PIK3CG: variants seen among roughly 807,000 people sequenced by gnomAD.
The protein encoded by PIK3CG is phosphatidylinositol 4,5-bisphosphate 3-kinase catalytic subunit gamma isoform.
PIK3CG carries 55 observed loss-of-function variants against 102.3 expected under a neutral mutation model. The observed-to-expected ratio is 0.54, with a 90% confidence interval of 0.43 to 0.67. The LOEUF (loss-of-function observed/expected upper bound fraction) is 0.67. PIK3CG is among the 30% of genes least tolerant of loss of function. The probability of loss-of-function intolerance (pLI) is 0.00; values close to 1 mark genes in which losing one functional copy is unlikely to be tolerated. For synonymous variants in PIK3CG, 552 were observed against 540.0 expected, an observed-to-expected ratio of 1.02 and a Z score of -0.31; for missense variants, 1,258 against 1,391.8, an observed-to-expected ratio of 0.90 and a Z score of 1.53.
Position 106,906,886 on chromosome 7 carries a change from G to A in PIK3CG, c.*1499G>A, listed in dbSNP as rs1231348521. The A allele has an allele frequency of 2.3e-5, 5 of 221,926 alleles. No homozygotes were observed. The highest frequency in any genetic ancestry group is 3.5e-5 in the Non-Finnish European group (4 of 113,996). 13.7% of individuals were successfully genotyped at this position (221,926 alleles called of 1,614,324 possible). A position where few individuals can be genotyped will look rare whatever the true frequency, so the allele number is the denominator to read the frequency against. ...AGCCCAAAGGTTCCTAAGCCTGGCTGCAAAGAAGAATCAACAGGGACACTT... is the reference window on the plus strand; with the variant it reads ...AGCCCAAAGGTTCCTAAGCCTGGCTACAAAGAAGAATCAACAGGGACACTT... On this transcript the variant is annotated 3_prime_UTR_variant, in exon 11 of 11. Transcript: ENST00000496166.
Position 106,880,425 on chromosome 7 carries a change from G to A in PIK3CG, c.2538+760G>A, listed in dbSNP as rs1489971454. Among the ~76,000 whole-genome samples, 1 of 151,598 alleles carries A rather than the reference G, an allele frequency of 6.6e-6. No individual in the cohort carries two copies. On this transcript the variant is annotated intron_variant, in intron 6 of 10. Coordinates refer to ENST00000496166, the MANE Select transcript of PIK3CG (RefSeq NM_001282426.2). The surrounding 1 kb of genome is among the most constrained non-coding windows in gnomAD (Gnocchi z 4.2). ...TTACTTATTTCTAATATAGAAACAG[G>A]AATACCTTTGCTTTGCCTTTGCTTT...
Position 106,877,082 on chromosome 7 carries a change from C to G in PIK3CG, c.2391+2279C>G, listed in dbSNP as rs1056860421. ...GGCATGGTGGCACGTGCCATAGTCC[C>G]CACTACTTGGAAGGCTGTGGTGGGA... On this transcript the variant is annotated intron_variant, in intron 5 of 10. Coordinates refer to ENST00000496166, the MANE Select transcript of PIK3CG (RefSeq NM_001282426.2). The surrounding 1 kb of genome is among the most constrained non-coding windows in gnomAD (Gnocchi z 4.5). Among the ~76,000 whole-genome samples, 1 of 152,154 alleles carries G rather than the reference C, an allele frequency of 6.6e-6. No individual in the cohort carries two copies. The highest frequency in any genetic ancestry group is 1.5e-5 in the Non-Finnish European group (1 of 68,028).
intron 2 of PIK3CG, among the ~76,000 whole-genome samples, chr7:106,870,892 GA>G (rs1204939367): frequency 1.3e-5 from 2 of 152,088 alleles, no homozygotes; most frequent in African/African-American, 2.4e-5. Context: ...TAACACTAAA[GA>G]ATTTTAGAAT....
rs1291178892 is a variant in PIK3CG at position 106,890,576 on chromosome 7, A to C, written c.3030+4284A>C. Reference sequence around the variant, plus strand: ...ATTGAAAATACCAAAAGACATAAAAATTCATTATCCTGCTTTCCAAAGATA... The same window carrying C: ...ATTGAAAATACCAAAAGACATAAAACTTCATTATCCTGCTTTCCAAAGATA... On this transcript the variant is annotated intron_variant, in intron 10 of 10. Transcript: ENST00000496166. This position sits in a 1 kb window ranked among gnomAD's most constrained non-coding sequence, Gnocchi z 4.2. Among the ~76,000 whole-genome samples, 5 of 152,260 alleles carry C rather than the reference A, an allele frequency of 3.3e-5. No individual in the cohort carries two copies. The highest frequency in any genetic ancestry group is 2.6e-4 in the Admixed American group (4 of 15,288).
Position 106,886,236 on chromosome 7 carries a change from C to A in PIK3CG, c.2974C>A (p.Leu992Ile), listed in dbSNP as rs1047971651. 3 of 1,614,026 alleles carry A rather than the reference C, an allele frequency of 1.9e-6. No individual in the cohort carries two copies. The highest frequency in any genetic ancestry group is 2.5e-6 in the Non-Finnish European group (3 of 1,180,020). ...GCCATTTGTGCTAACCCCTGACTTCCTCTTTGTGATGGGAACTTCTGGAAA... is the reference window on the plus strand; with the variant it reads ...GCCATTTGTGCTAACCCCTGACTTCATCTTTGTGATGGGAACTTCTGGAAA... ...RVPFVLTPDF[L>I]FVMGTSGKKT... Residue 992 changes from leucine (L) to isoleucine (I), a missense_variant, in exon 10 of 11, where the codon CTC (leucine) becomes ATC (isoleucine). Physicochemically the swap from Leu to Ile is conservative, Grantham distance 5. Coordinates refer to ENST00000496166, the MANE Select transcript of PIK3CG (RefSeq NM_001282426.2).
Position 106,895,057 on chromosome 7 carries a change from T to G in PIK3CG, c.3030+8765T>G, listed in dbSNP as rs1791369299. On this transcript the variant is annotated intron_variant, in intron 10 of 10. Coordinates refer to ENST00000496166, the MANE Select transcript of PIK3CG (RefSeq NM_001282426.2). This position sits in a 1 kb window ranked among gnomAD's most constrained non-coding sequence, Gnocchi z 5.4. ...TTGAGAGCAGATGTACTACGTAGGCTCAATCTATTTATTAGCTACTAATGG... is the reference window on the plus strand; with the variant it reads ...TTGAGAGCAGATGTACTACGTAGGCGCAATCTATTTATTAGCTACTAATGG... Among the ~76,000 whole-genome samples, 1 of 152,208 alleles carries G rather than the reference T, an allele frequency of 6.6e-6. No homozygotes were observed. The highest frequency in any genetic ancestry group is 1.9e-4 in the East Asian group (1 of 5,194).
chr7:106,905,260 A>G lies in PIK3CG; in HGVS notation c.3182A>G (p.Glu1061Gly). The G allele has an allele frequency of 3.7e-6, 6 of 1,614,142 alleles. No homozygotes were observed. The highest frequency in any genetic ancestry group is 4.2e-6 in the Non-Finnish European group (5 of 1,180,006). ...GATGCCCTCACAGTGGGGAAAAATG[A>G]GGAGGATGCTAAAAAGTATTTTCTT... The part of the protein sequence containing the change: ...IRDALTVGKN[E>G]EDAKKYFLDQ... The change falls in exon 11 of 11, where the codon GAG becomes GGG. Residue 1061 changes from glutamate (E) to glycine (G), a missense_variant. By Grantham distance (98) the Glu-to-Gly change is moderately conservative (BLOSUM62 -2). Coordinates refer to ENST00000496166, the MANE Select transcript of PIK3CG (RefSeq NM_001282426.2). The surrounding 1 kb of genome is among the most constrained non-coding windows in gnomAD (Gnocchi z 5.6).
Position 106,867,266 on chromosome 7 carries a change from C to G in PIK3CG, c.-12-284C>G, listed in dbSNP as rs1790317150. Among the ~76,000 whole-genome samples the G allele has an allele frequency of 1.3e-5, 2 of 152,150 alleles. No homozygotes were observed. The highest frequency in any genetic ancestry group is 1.3e-4 in the Admixed American group (2 of 15,264). Reference sequence around the variant, plus strand: ...AACAAGTATTACTTTATTTAACTCTCCCTCTGGGGCATTCATTACTAACCA... The same window carrying G: ...AACAAGTATTACTTTATTTAACTCTGCCTCTGGGGCATTCATTACTAACCA... On this transcript the variant is annotated intron_variant, in intron 1 of 10. Transcript: ENST00000496166. This position sits in a 1 kb window ranked among gnomAD's most constrained non-coding sequence, Gnocchi z 5.1.
At chr7:106,901,679 C>A (rs527428354) in intron 10 of PIK3CG, among the ~76,000 whole-genome samples, 10 of 152,320 alleles carry the variant, frequency 6.6e-5, no homozygotes, top group African/African-American at 2.4e-4. Flanking sequence ...CCTTTCTCAT[C>A]TCTGCATGTG....
In PIK3CG at chr7:106,869,520, C is replaced by T. The variant is rs1003001250; in HGVS notation, c.1959C>T (p.Asp653=). The T allele has an allele frequency of 2.5e-6, 4 of 1,613,256 alleles. No individual in the cohort carries two copies. Among genetic ancestry groups the T allele is most frequent in the African/African-American group, 1.3e-5 (1 of 75,020 alleles). Residue 653 remains aspartate, a synonymous_variant, in exon 2 of 11, where the codon GAC becomes GAT. Coordinates refer to ENST00000496166, the MANE Select transcript of PIK3CG (RefSeq NM_001282426.2). The surrounding 1 kb of genome is among the most constrained non-coding windows in gnomAD (Gnocchi z 5.3). ...TTCAGAAACTGGAGAGCTTGGAGGA[C>T]GATGATGTTCTGCATTACCTTCTAC... The part of the protein sequence containing the change: ...IAVQKLESLE[D]DDVLHYLLQL...
In PIK3CG at chr7:106,903,636, T is replaced by C. The variant is rs958952255; in HGVS notation, c.3031-1473T>C. 6.6e-6 allele frequency among the ~76,000 whole-genome samples: 1 copy of C among 152,108 alleles called. No homozygotes were observed. Among genetic ancestry groups the C allele is most frequent in the Admixed American group, 6.5e-5 (1 of 15,296 alleles). ...TATTTACAGCATTCTATTTATTAATTTTTATAAAAACCTAGTTTATTAAAA... is the reference window on the plus strand; with the variant it reads ...TATTTACAGCATTCTATTTATTAATCTTTATAAAAACCTAGTTTATTAAAA... On this transcript the variant is annotated intron_variant, in intron 10 of 10. Coordinates refer to ENST00000496166, the MANE Select transcript of PIK3CG (RefSeq NM_001282426.2). The surrounding 1 kb of genome is among the most constrained non-coding windows in gnomAD (Gnocchi z 4.3).
Position 106,893,188 on chromosome 7 carries a change from G to A in PIK3CG, c.3030+6896G>A, listed in dbSNP as rs1175418869. On this transcript the variant is annotated intron_variant, in intron 10 of 10. Coordinates refer to ENST00000496166, the MANE Select transcript of PIK3CG (RefSeq NM_001282426.2). The surrounding 1 kb of genome is among the most constrained non-coding windows in gnomAD (Gnocchi z 4.4). ...CTGAGCTGATAAAGGATTCCGTCTTGGGATCTGCACCCCGACCCACTGACT... is the reference window on the plus strand; with the variant it reads ...CTGAGCTGATAAAGGATTCCGTCTTAGGATCTGCACCCCGACCCACTGACT... Among the ~76,000 whole-genome samples, 1 of 152,076 alleles carries A rather than the reference G, an allele frequency of 6.6e-6. No homozygotes were observed. Among genetic ancestry groups the A allele is most frequent in the Non-Finnish European group, 1.5e-5 (1 of 68,010 alleles).
chr7:106,871,366 C>T (rs1453032683), intron 2 of PIK3CG, among the ~76,000 whole-genome samples: 2 of 152,142 alleles, frequency 1.3e-5, no homozygotes. Context: ...TACAGTGGCA[C>T]CTATTTGACC....
Position 106,883,187 on chromosome 7 carries a change from C to A in PIK3CG, c.2760+24C>A, listed in dbSNP as rs1453359529. The A allele has an allele frequency of 6.2e-7, 1 of 1,613,366 alleles. No homozygotes were observed. The highest frequency in any genetic ancestry group is 1.1e-5 in the South Asian group (1 of 91,040). On this transcript the variant is annotated intron_variant, in intron 8 of 10. Transcript: ENST00000496166. This position sits in a 1 kb window ranked among gnomAD's most constrained non-coding sequence, Gnocchi z 5.8. ...AGGTGAGCTCATGCTTTTTCCCAGT[C>A]TAATGGCTCCTTACAAGTTGTCATT...
rs2037718 is a variant in PIK3CG, at chr7:106,903,666, C to G, written c.3031-1443C>G. On this transcript the variant is annotated intron_variant, in intron 10 of 10. Transcript: ENST00000496166. This position sits in a 1 kb window ranked among gnomAD's most constrained non-coding sequence, Gnocchi z 4.3. The stretch of plus-strand genomic sequence containing the variant: ...TAAAAACCTAGTTTATTAAAAACTA[C>G]TTACAGTAATATTTGATTTTTTAAA... Among the ~76,000 whole-genome samples, 57,827 of 151,458 alleles carry G rather than the reference C, an allele frequency of 0.38. 11,532 individuals are homozygous for G. The highest frequency in any genetic ancestry group is 0.51 in the South Asian group (2,450 of 4,808).
At position 106,884,792 on chromosome 7, in the gene PIK3CG, G is replaced by C. The variant is rs1172225283; in HGVS notation, c.2872+526G>C. On this transcript the variant is annotated intron_variant, in intron 9 of 10. Transcript: ENST00000496166. The surrounding 1 kb of genome is among the most constrained non-coding windows in gnomAD (Gnocchi z 4.2). ...CCACTCACTGAGAGGGTTTTGATAT[G>C]TAAGGAATTGATTTATTATGGTCTC... Among the ~76,000 whole-genome samples the C allele has an allele frequency of 2.6e-5, 4 of 152,104 alleles. No homozygotes were observed. Among genetic ancestry groups the C allele is most frequent in the Non-Finnish European group, 5.9e-5 (4 of 68,036 alleles).
rs1373838181 is a variant in PIK3CG at position 106,868,972 on chromosome 7, C to T, written c.1411C>T (p.His471Tyr). The change falls in exon 2 of 11, where the codon CAC becomes TAC. Residue 471 changes from histidine to tyrosine, a missense_variant. Around this residue, in one of 2 missense-constraint regions of PIK3CG, gnomAD observed 832 missense variants for 787.5 expected, o/e 1.06. Transcript: ENST00000496166. This position sits in a 1 kb window ranked among gnomAD's most constrained non-coding sequence, Gnocchi z 6.2. ...TTATGTGAACCTGCTGCTGATAGACCACCGTTTCCTCCTGCGCCGTGGAGA... is the reference window on the plus strand; with the variant it reads ...TTATGTGAACCTGCTGCTGATAGACTACCGTTTCCTCCTGCGCCGTGGAGA... ...LYYVNLLLID[H>Y]RFLLRRGEYV... 2 of 1,614,032 alleles carry T rather than the reference C, an allele frequency of 1.2e-6. No homozygotes were observed. Among genetic ancestry groups the T allele is most frequent in the Non-Finnish European group, 1.7e-6 (2 of 1,180,026 alleles).
At position 106,883,361 on chromosome 7, in the gene PIK3CG, G is replaced by A. The variant is rs1163209585; in HGVS notation, c.2760+198G>A. Among the ~76,000 whole-genome samples the A allele has an allele frequency of 6.6e-6, 1 of 152,204 alleles. No individual in the cohort carries two copies. The highest frequency in any genetic ancestry group is 2.4e-5 in the African/African-American group (1 of 41,442). ...TATCTGTGTGAAACAGAGGCACTCA[G>A]TTCAGGACTCCATGAGCATTTGCTT... is the stretch of plus-strand genomic sequence containing the variant. On this transcript the variant is annotated intron_variant, in intron 8 of 10. Coordinates refer to ENST00000496166, the MANE Select transcript of PIK3CG (RefSeq NM_001282426.2). This position sits in a 1 kb window ranked among gnomAD's most constrained non-coding sequence, Gnocchi z 5.8.
chr7:106,880,687 T>A lies in PIK3CG; in HGVS notation c.2538+1022T>A, dbSNP rs1790906470. 6.6e-6 allele frequency among the ~76,000 whole-genome samples: 1 copy of A among 152,122 alleles called. No homozygotes were observed. The highest frequency in any genetic ancestry group is 2.4e-5 in the African/African-American group (1 of 41,434). On this transcript the variant is annotated intron_variant, in intron 6 of 10. Coordinates refer to ENST00000496166, the MANE Select transcript of PIK3CG (RefSeq NM_001282426.2). The surrounding 1 kb of genome is among the most constrained non-coding windows in gnomAD (Gnocchi z 4.2). Reference sequence around the variant, plus strand: ...TGTACTTTGTGGTTTTGTTTTTTTTTAATTTTTTTAAGATGAGGCCTTGCT... The same window carrying A: ...TGTACTTTGTGGTTTTGTTTTTTTTAAATTTTTTTAAGATGAGGCCTTGCT...
Sources: gnomAD v4.1 joint callset for allele counts (sites outside exome capture counted in the v4.1 genomes callset) on GRCh38, gnomAD v4.1.1 for gene constraint, gnomAD v4.1.1 regional missense constraint, Gnocchi (gnomAD v3.1) non-coding constraint, MANE v1.5 for transcripts, NCBI Gene and HGNC (gene_info 2026-07-23, HGNC 2026-07-21) for gene names.